FANCM: variants seen among roughly 807,000 people sequenced by gnomAD.
FANCM encodes the protein Fanconi anemia group M protein.
Under a neutral mutation model 199.5 loss-of-function variants are expected in FANCM, and 140 were observed. That is an observed-to-expected ratio of 0.70 (90% CI 0.61 to 0.81). FANCM has a LOEUF of 0.81. FANCM is among the 30% of genes least tolerant of loss of function. The pLI is 0.00. For missense variants in FANCM, 2,410 were observed against 2,421.4 expected (o/e 1.00, Z 0.10); for synonymous variants, 840 against 836.8 (o/e 1.00, Z -0.07).
intron 14 of FANCM, 38 bp downstream of exon 14, chr14:45,177,014 A>G (rs1485196230): frequency 7.0e-6 from 9 of 1,292,648 alleles, no homozygotes; most frequent in Middle Eastern, 2.2e-4. Context: ...AACTCTTTCT[A>G]GAATAATTAC....
At position 45,170,600 on chromosome 14, in the gene FANCM, A is replaced by G; in HGVS notation, c.2014A>G (p.Ser672Gly). The G allele has an allele frequency of 6.3e-7, 1 of 1,599,162 alleles. No homozygotes were observed. The highest frequency in any genetic ancestry group is 8.6e-7 in the Non-Finnish European group (1 of 1,167,126). Reference sequence around the variant, plus strand: ...TTTTCAACTTATAGGAATGAGGCAAAGTAGCCTAAAGAAAGATTGGTTCTT... The same window carrying G: ...TTTTCAACTTATAGGAATGAGGCAAGGTAGCCTAAAGAAAGATTGGTTCTT... ...IFSYRDGMRQ[S>G]SLKKDWFLSE... is the part of the protein sequence containing the mutation. The change falls in exon 12 of 23, where the codon AGT (serine) becomes GGT (glycine). Residue 672 changes from serine (S) to glycine (G), a missense_variant. Coordinates refer to ENST00000267430, the MANE Select transcript of FANCM (RefSeq NM_020937.4).
chr14:45,146,083 T>C (rs28410003), intron 3 of FANCM, among the ~76,000 whole-genome samples: 1 of 136,360 alleles, frequency 7.3e-6, no homozygotes, highest in African/African-American at 2.8e-5. Context: ...AAAAAAAAAA[T>C]ACAAAATATT....
rs201423324 is a variant in FANCM, at chr14:45,170,985, CTG to C, written c.2160+242_2160+243del. Among the ~76,000 whole-genome samples, 436 of 152,268 alleles carry C rather than the reference CTG, an allele frequency of 2.9e-3. 5 individuals carry two copies. Among genetic ancestry groups the C allele is most frequent in the Admixed American group, 0.021 (317 of 15,290 alleles). ...TTATTGTATATATGTATTTAACCAA[CTG>C]TGATATTTTTACATAAATTATGCCT... On this transcript the variant is annotated intron_variant, in intron 12 of 22. Coordinates refer to ENST00000267430, the MANE Select transcript of FANCM (RefSeq NM_020937.4).
At chr14:45,162,711 A>AG (rs1453077261) in intron 9 of FANCM, among the ~76,000 whole-genome samples, 1 of 152,212 alleles carries the variant, frequency 6.6e-6, no homozygotes. Context: ...GTTTGTGGAA[A>AG]GGGTTCATGG....
At position 45,183,801 on chromosome 14, in the gene FANCM, G is replaced by A. The variant is rs552852278; in HGVS notation, c.4414G>A (p.Glu1472Lys). 1.2e-6 allele frequency: 2 copies of A among 1,609,334 alleles called. No homozygotes were observed. Among genetic ancestry groups the A allele is most frequent in the South Asian group, 2.2e-5 (2 of 90,944 alleles). Residue 1472 changes from glutamate to lysine, a missense_variant, in exon 17 of 23, where the codon GAG (glutamate) becomes AAG (lysine). Transcript: ENST00000267430. Reference protein sequence around the residue: ...RSELSSSDESENFPKPCSQLE... With the variant: ...RSELSSSDESKNFPKPCSQLE... ...AGAATTATCATCTAGTGATGAGAGTGAGAATTTTCCCAAACCATGTTCACA... is the reference window on the plus strand; with the variant it reads ...AGAATTATCATCTAGTGATGAGAGTAAGAATTTTCCCAAACCATGTTCACA...
At chr14:45,177,039 G>T in intron 14 of FANCM, 63 bp downstream of exon 14, 1 of 1,112,410 alleles carries the variant, frequency 9.0e-7, no homozygotes. Context: ...GAAATACTTT[G>T]GTAATTTTTC....
intron 17 of FANCM, among the ~76,000 whole-genome samples, chr14:45,184,139 T>C (rs1348498590): frequency 6.6e-6 from 1 of 152,134 alleles, no homozygotes; most frequent in Non-Finnish European, 1.5e-5. Flanking sequence ...ACCAAAAAAC[T>C]CAAGTGTATT....
chr14:45,159,033 A>G, intron 8 of FANCM, 63 bp from the exon 9 acceptor site: 1 of 1,036,072 alleles, frequency 9.7e-7, no homozygotes, highest in East Asian at 2.6e-5. Flanking sequence ...TTGTCTTTTG[A>G]ACTATTTCTT....
chr14:45,142,124 A>C (rs544411627), intron 3 of FANCM, among the ~76,000 whole-genome samples: 143 of 152,174 alleles, frequency 9.4e-4, no homozygotes, highest in Middle Eastern at 3.4e-3. Flanking sequence ...TCATATAACC[A>C]TAATAAAATT....
At chr14:45,150,606 T>A (rs1039870271) in intron 4 of FANCM, among the ~76,000 whole-genome samples, 1 of 152,188 alleles carries the variant, frequency 6.6e-6, no homozygotes, top group African/African-American at 2.4e-5. Context: ...GAATCCTTTG[T>A]CCTTAGAACC....
rs772659215 is a variant in FANCM, at chr14:45,185,398, A to AT, written c.4672+32dup. On this transcript the variant is annotated intron_variant, in intron 18 of 22. Transcript: ENST00000267430. The stretch of plus-strand genomic sequence containing the variant: ...GGTAAATGTTATAATGATCCTTAAA[A>AT]TTTTTTTCAATGTTTTTATGTGCTT... The AT allele has an allele frequency of 2.1e-4, 293 of 1,420,526 alleles. 1 individual carries two copies. Among genetic ancestry groups the AT allele is most frequent in the Non-Finnish European group, 8.9e-5 (92 of 1,030,974 alleles). The allele number at this position is 1,420,526 out of a possible 1,614,324, so 88.0% of individuals were successfully genotyped here.
At chr14:45,198,556 C>A in intron 21 of FANCM, 88 bp from the exon 22 acceptor site, 2 of 882,948 alleles carry the variant, frequency 2.3e-6, no homozygotes, top group South Asian at 1.9e-5. Context: ...TGGTGTAGAT[C>A]TTGGGATTTT....
At chr14:45,172,828 T>C (rs1888426109) in intron 12 of FANCM, among the ~76,000 whole-genome samples, 1 of 152,184 alleles carries the variant, frequency 6.6e-6, no homozygotes, top group Admixed American at 6.6e-5. Flanking sequence ...AACAGGAATA[T>C]TGTCAACTTG....
chr14:45,139,999 A>AT (rs1033387466), intron 2 of FANCM, among the ~76,000 whole-genome samples: 4 of 152,180 alleles, frequency 2.6e-5, no homozygotes, highest in African/African-American at 4.8e-5. Flanking sequence ...TAAAAAAAAA[A>AT]TTTTTTGTGA....
At chr14:45,192,595 A>G (rs1053315647) in intron 20 of FANCM, among the ~76,000 whole-genome samples, 2 of 152,154 alleles carry the variant, frequency 1.3e-5, no homozygotes, top group Non-Finnish European at 2.9e-5. Flanking sequence ...GTGAGCCAAG[A>G]TTGCGCCACT....
chr14:45,145,165 G>T (rs1269167411), intron 3 of FANCM, among the ~76,000 whole-genome samples: 1 of 151,746 alleles, frequency 6.6e-6, no homozygotes, highest in Non-Finnish European at 1.5e-5. Flanking sequence ...TCATGACTCT[G>T]CCCTGTCCTG....
intron 22 of FANCM, 76 bp downstream of exon 22, chr14:45,199,011 A>C (rs1890224501): frequency 1.6e-6 from 2 of 1,225,324 alleles, no homozygotes; most frequent in Non-Finnish European, 2.3e-6. Context: ...TTTAATGTTA[A>C]AAAAATTTAA....
chr14:45,163,871 A>G (rs1239547242), intron 9 of FANCM, among the ~76,000 whole-genome samples: 2 of 152,212 alleles, frequency 1.3e-5, no homozygotes, highest in African/African-American at 4.8e-5. Context: ...TGTTTATTTT[A>G]CCATAATCTC....
intron 20 of FANCM, among the ~76,000 whole-genome samples, chr14:45,194,753 T>TA (rs1290265849): frequency 6.6e-6 from 1 of 152,230 alleles, no homozygotes; most frequent in East Asian, 1.9e-4. Context: ...GGAGTTGCTG[T>TA]AAAAAGTAAA....
Sources: gnomAD v4.1 joint callset for allele counts (sites outside exome capture counted in the v4.1 genomes callset) on GRCh38, gnomAD v4.1.1 for gene constraint, MANE v1.5 for transcripts, NCBI Gene and HGNC (gene_info 2026-07-23, HGNC 2026-07-21) for gene names.